The following RNF220 variants were observed in gnomAD, a reference collection of about 807,000 sequenced individuals.
RNF220 encodes E3 ubiquitin-protein ligase RNF220.
A neutral mutation model predicts 67.1 loss-of-function variants in RNF220; 7 were observed. The ratio of observed to expected loss-of-function variants is 0.10; its 90% CI spans 0.06 to 0.20. RNF220 has a LOEUF of 0.20. Among genes scored for constraint, RNF220 ranks in the 10% least tolerant of loss-of-function variants. The probability of loss-of-function intolerance (pLI) is 1.00; values close to 1 mark genes in which losing one functional copy is unlikely to be tolerated. For synonymous variants in RNF220, 270 were observed against 283.2 expected (o/e 0.95, Z 0.47); for missense variants, 565 against 740.3 (o/e 0.76, Z 2.75).
At chr1:44,545,909 A>G (rs1444653635) in intron 2 of RNF220, among the ~76,000 whole-genome samples, 2 of 152,092 alleles carry the variant, frequency 1.3e-5, no homozygotes, top group African/African-American at 4.8e-5. Flanking sequence ...GGCATGCGCC[A>G]CCACGCCCGG....
At position 44,405,433 on chromosome 1, in the gene RNF220, C is replaced by G; in HGVS notation, c.-215C>G. On this transcript the variant is annotated 5_prime_UTR_variant, in exon 1 of 15. Transcript: ENST00000361799. ...CCGCCGCCGCCGCTGCCTCCGCCGG[C>G]TCTGCGAACCCGGGACTTTTCATGC... 3 of 627,596 alleles carry G rather than the reference C, an allele frequency of 4.8e-6. No individual in the cohort carries two copies. The highest frequency in any genetic ancestry group is 8.6e-6 in the Non-Finnish European group (3 of 347,452). 38.9% of individuals were successfully genotyped at this position (627,596 alleles called of 1,614,324 possible).
At chr1:44,439,057 AC>A (rs1362811495) in intron 2 of RNF220, among the ~76,000 whole-genome samples, 3 of 152,248 alleles carry the variant, frequency 2.0e-5, no homozygotes, top group Non-Finnish European at 1.5e-5. Flanking sequence ...AAACAACATT[AC>A]AGAGAACATC....
At chr1:44,647,619 TAAG>T (rs1485833271) in intron 12 of RNF220, among the ~76,000 whole-genome samples, 1 of 152,102 alleles carries the variant, frequency 6.6e-6, no homozygotes, top group Non-Finnish European at 1.5e-5. Flanking sequence ...ACACAGCCAC[TAAG>T]GAGTCACGCT....
At chr1:44,422,291 G>C (rs940223554) in intron 2 of RNF220, among the ~76,000 whole-genome samples, 7 of 152,158 alleles carry the variant, frequency 4.6e-5, no homozygotes, top group African/African-American at 1.7e-4. Context: ...CAGCAGGACT[G>C]CAGTTAGGGC....
chr1:44,420,100 A>G (rs1262351930), intron 2 of RNF220, among the ~76,000 whole-genome samples: 1 of 152,202 alleles, frequency 6.6e-6, no homozygotes. Flanking sequence ...GGCAATTCAG[A>G]TATGTGGCTG....
chr1:44,490,027 T>TC (rs1468584132), intron 2 of RNF220, among the ~76,000 whole-genome samples: 1 of 152,238 alleles, frequency 6.6e-6, no homozygotes, highest in African/African-American at 2.4e-5. Flanking sequence ...TTTTCTATGT[T>TC]CTTTTTTGTT....
At chr1:44,439,094 T>C (rs1452530268) in intron 2 of RNF220, among the ~76,000 whole-genome samples, 1 of 152,236 alleles carries the variant, frequency 6.6e-6, no homozygotes, top group East Asian at 1.9e-4. Context: ...TTGTCAAGCG[T>C]CTGATCATTT....
intron 2 of RNF220, among the ~76,000 whole-genome samples, chr1:44,425,240 G>A (rs1013854576): frequency 1.3e-5 from 2 of 152,098 alleles, no homozygotes; most frequent in Non-Finnish European, 2.9e-5. Flanking sequence ...GTTGGGGATG[G>A]TATTTTTCCC....
chr1:44,636,750 G>A (rs1370039180), intron 8 of RNF220, among the ~76,000 whole-genome samples: 1 of 152,216 alleles, frequency 6.6e-6, no homozygotes, highest in African/African-American at 2.4e-5. Context: ...TGAAGCAAGA[G>A]GGGCCTGGGC....
intron 2 of RNF220, among the ~76,000 whole-genome samples, chr1:44,503,586 C>T (rs531427034): frequency 6.6e-6 from 1 of 152,326 alleles, no homozygotes; most frequent in East Asian, 1.9e-4. Context: ...TAATCTCAGA[C>T]ACCCCCTGTT....
chr1:44,606,931 T>C lies in RNF220; in HGVS notation c.626-7234T>C, dbSNP rs530868301. On this transcript the variant is annotated intron_variant, in intron 2 of 14. Transcript: ENST00000361799. This position sits in a 1 kb window ranked among gnomAD's most constrained non-coding sequence, Gnocchi z 4.2. Reference sequence around the variant, plus strand: ...TTTCACATGAATGTCTAATAGTTCCTCAAGCTAAGTACATCCAAAACTCAA... The same window carrying C: ...TTTCACATGAATGTCTAATAGTTCCCCAAGCTAAGTACATCCAAAACTCAA... 1.3e-5 allele frequency among the ~76,000 whole-genome samples: 2 copies of C among 152,314 alleles called. No individual in the cohort carries two copies. Among genetic ancestry groups the C allele is most frequent in the Admixed American group, 1.3e-4 (2 of 15,290 alleles).
Position 44,644,736 on chromosome 1 carries a change from G to A in RNF220, c.1165G>A (p.Asp389Asn). Residue 389 changes from aspartate to asparagine, a missense_variant, in exon 9 of 15, where the codon GAC becomes AAC. Transcript: ENST00000361799. Reference protein sequence around the residue: ...FIMCSGKENPDSDADLDVDGD... With the variant: ...FIMCSGKENPNSDADLDVDGD... Reference sequence around the variant, plus strand: ...CATGTGCAGCGGCAAAGAGAACCCGGACAGTGATGCTGACTTGGATGTGGA... The same window carrying A: ...CATGTGCAGCGGCAAAGAGAACCCGAACAGTGATGCTGACTTGGATGTGGA... 6.2e-7 allele frequency: 1 copy of A among 1,614,136 alleles called. No homozygotes were observed. The highest frequency in any genetic ancestry group is 8.5e-7 in the Non-Finnish European group (1 of 1,180,024).
At chr1:44,490,474 TC>T (rs1656751827) in intron 2 of RNF220, among the ~76,000 whole-genome samples, 1 of 142,860 alleles carries the variant, frequency 7.0e-6, no homozygotes. Flanking sequence ...GAAACTTCAT[TC>T]CAAAAAAAAA....
intron 2 of RNF220, among the ~76,000 whole-genome samples, chr1:44,538,894 C>T (rs270753): frequency 0.078 from 9,541 of 122,920 alleles, 389 homozygotes; most frequent in Middle Eastern, 0.2. Context: ...CCAGCCTGGG[C>T]GACAGAGTGA....
At chr1:44,590,101 C>T (rs1005212931) in intron 2 of RNF220, among the ~76,000 whole-genome samples, 1 of 152,138 alleles carries the variant, frequency 6.6e-6, no homozygotes, top group African/African-American at 2.4e-5. Context: ...GATGCTGGCC[C>T]AGGTATGGTC....
chr1:44,438,979 A>G (rs1250545467), intron 2 of RNF220, among the ~76,000 whole-genome samples: 1 of 152,170 alleles, frequency 6.6e-6, no homozygotes, highest in Admixed American at 6.5e-5. Flanking sequence ...CATTGCAGGG[A>G]TGCATTACAT....
chr1:44,501,257 T>C (rs1302956519), intron 2 of RNF220, among the ~76,000 whole-genome samples: 3 of 151,042 alleles, frequency 2.0e-5, no homozygotes, highest in Non-Finnish European at 3.0e-5. Flanking sequence ...CGGCTGTCAG[T>C]ATGGGGAGGA....
intron 8 of RNF220, among the ~76,000 whole-genome samples, chr1:44,639,754 T>C (rs1644433639): frequency 6.6e-6 from 1 of 152,162 alleles, no homozygotes; most frequent in African/African-American, 2.4e-5. Flanking sequence ...GTGGCACAAA[T>C]CTTTTCTCTT....
At chr1:44,516,429 A>G (rs2148139833) in intron 2 of RNF220, among the ~76,000 whole-genome samples, 1 of 152,378 alleles carries the variant, frequency 6.6e-6, no homozygotes, top group Non-Finnish European at 1.5e-5. Context: ...CAAAGAGCAA[A>G]GGAAAGGTGT....
Sources: gnomAD v4.1 joint callset for allele counts (sites outside exome capture counted in the v4.1 genomes callset) on GRCh38, gnomAD v4.1.1 for gene constraint, Gnocchi (gnomAD v3.1) non-coding constraint, MANE v1.5 for transcripts, NCBI Gene and HGNC (gene_info 2026-07-23, HGNC 2026-07-21) for gene names.